The following SLC16A2 variants were observed in gnomAD, a reference collection of about 807,000 sequenced individuals.
The protein encoded by SLC16A2 is solute carrier family 16 member 2.
Under a neutral mutation model 27.2 loss-of-function variants are expected in SLC16A2, and 3 were observed. That is an observed-to-expected ratio of 0.11 (90% confidence interval 0.05 to 0.28). The LOEUF is 0.28. Among genes scored for constraint, SLC16A2 ranks in the 10% least tolerant of loss-of-function variants. The pLI is 1.00. For missense variants in SLC16A2, 295 were observed against 458.5 expected, an observed-to-expected ratio of 0.64 and a Z score of 3.26; for synonymous variants, 202 against 187.8, an observed-to-expected ratio of 1.08 and a Z score of -0.62.
At chrX:74,491,774 C>T in intron 1 of SLC16A2, among the ~76,000 whole-genome samples, 1 of 112,508 alleles carries the variant, frequency 8.9e-6, no homozygotes, top group East Asian at 2.8e-4. Flanking sequence ...AATAAATGTT[C>T]CTTCATTTGC....
intron 2 of SLC16A2, among the ~76,000 whole-genome samples, chrX:74,523,482 T>C (rs1052130224): frequency 9.8e-5 from 11 of 112,195 alleles, no homozygotes; most frequent in Non-Finnish European, 1.9e-4. Context: ...GCCAATATTA[T>C]CTGGGGGCAT....
rs1286289389 is a variant in SLC16A2 at position 74,421,907 on chromosome X, C to A, written c.270C>A (p.Arg90=). 6 of 1,209,538 alleles carry A rather than the reference C, an allele frequency of 5.0e-6. No individual in the cohort carries two copies. In the South Asian group the frequency reaches 5.3e-5, roughly 11 times the overall value. Residue 90 remains arginine, a synonymous_variant, in exon 1 of 6, where the codon CGC becomes CGA. Transcript: ENST00000587091. ...TPTVETRGTA[R]GFQPPEGGFG... ...CGGTAGAGACCCGCGGCACCGCGCG[C>A]GGCTTCCAGCCTCCCGAAGGTGGCT...
intron 1 of SLC16A2, among the ~76,000 whole-genome samples, chrX:74,457,716 C>T (rs1440923627): frequency 3.6e-5 from 4 of 111,054 alleles, no homozygotes; most frequent in East Asian, 2.8e-4. Flanking sequence ...TGGCTCCTTC[C>T]GAGGGGCTTG....
At chrX:74,504,262 G>A (rs1286417990) in intron 1 of SLC16A2, among the ~76,000 whole-genome samples, 3 of 111,854 alleles carry the variant, frequency 2.7e-5, no homozygotes, top group Admixed American at 9.5e-5. Context: ...TGAGTCCATC[G>A]ACTCTGGCTT....
chrX:74,486,659 T>C (rs1316921074), intron 1 of SLC16A2, among the ~76,000 whole-genome samples: 1 of 112,241 alleles, frequency 8.9e-6, no homozygotes, highest in Non-Finnish European at 1.9e-5. Context: ...AGTTCAACCA[T>C]TGTGGAAGAC....
intron 1 of SLC16A2, among the ~76,000 whole-genome samples, chrX:74,519,503 G>T (rs778671126): frequency 1.9e-5 from 2 of 102,611 alleles, no homozygotes; most frequent in African/African-American, 7.0e-5. Context: ...CACAAGGTCA[G>T]GAGATCGAGA....
intron 1 of SLC16A2, among the ~76,000 whole-genome samples, chrX:74,437,372 G>A (rs976668890): frequency 8.9e-6 from 1 of 112,219 alleles, no homozygotes; most frequent in Non-Finnish European, 1.9e-5. Flanking sequence ...TCCACATGAC[G>A]AGGAGATCAA....
intron 1 of SLC16A2, among the ~76,000 whole-genome samples, chrX:74,485,076 C>T (rs1055932810): frequency 7.3e-5 from 8 of 109,975 alleles, no homozygotes; most frequent in Non-Finnish European, 1.3e-4. Flanking sequence ...ACTATCCGGG[C>T]GTGGGGGCTC....
At chrX:74,499,284 A>G (rs2147862530) in intron 1 of SLC16A2, among the ~76,000 whole-genome samples, 1 of 110,076 alleles carries the variant, frequency 9.1e-6, no homozygotes, top group East Asian at 2.9e-4. Context: ...GATGTCTCTT[A>G]TCAGTTGCAC....
At chrX:74,457,500 A>G (rs2147847760) in intron 1 of SLC16A2, among the ~76,000 whole-genome samples, 1 of 111,573 alleles carries the variant, frequency 9.0e-6, no homozygotes, top group East Asian at 2.8e-4. Context: ...AGGGTCACCA[A>G]TGCTGTCCTT....
At chrX:74,439,168 CTTTCTTTCTTTCTTTCTT>C (rs1928680171) in intron 1 of SLC16A2, among the ~76,000 whole-genome samples, 1 of 77,725 alleles carries the variant, frequency 1.3e-5, no homozygotes, top group African/African-American at 5.2e-5. Context: ...CTCTTTCTTT[CTTTCTTTCTTTCTTTCTT>C]TTTCTTTCTT....
intron 1 of SLC16A2, among the ~76,000 whole-genome samples, chrX:74,432,377 A>G (rs1315631699): frequency 8.9e-6 from 1 of 111,830 alleles, no homozygotes. Context: ...CAGAGGCCAC[A>G]GGATTGTGGC....
At chrX:74,506,605 C>G (rs1930131189) in intron 1 of SLC16A2, among the ~76,000 whole-genome samples, 2 of 111,087 alleles carry the variant, frequency 1.8e-5, no homozygotes, top group African/African-American at 3.3e-5. Context: ...AGAGAGAGGT[C>G]AAAGTAAATG....
At position 74,524,417 on chromosome X, in the gene SLC16A2, G is replaced by A. The variant is rs376266144; in HGVS notation, c.634G>A (p.Ala212Thr). 166 of 1,209,737 alleles carry A rather than the reference G, an allele frequency of 1.4e-4. No individual in the cohort carries two copies. The highest frequency in any genetic ancestry group is 1.6e-4 in the Non-Finnish European group (145 of 895,196). The change falls in exon 3 of 6, where the codon GCC becomes ACC. Residue 212 changes from alanine to threonine, a missense_variant. Ala to Thr is a moderately conservative substitution (Grantham distance 58). This residue lies in a region of SLC16A2 where 59 missense variants were observed against 153.6 expected (regional missense o/e 0.38). Coordinates refer to ENST00000587091, the MANE Select transcript of SLC16A2 (RefSeq NM_006517.5). ...GILFGCGCSF[A>T]FQPSLVILGH... ...TCTCTTTGGTTGTGGCTGTTCCTTC[G>A]CCTTTCAGCCATCCCTCGTCATCCT...
chrX:74,462,040 C>T (rs1014864045), intron 1 of SLC16A2, among the ~76,000 whole-genome samples: 1 of 111,597 alleles, frequency 9.0e-6, no homozygotes, highest in African/African-American at 3.3e-5. Flanking sequence ...TGCCCCTTCC[C>T]GTGAACTCCC....
intron 2 of SLC16A2, 78 bp downstream of exon 2, chrX:74,521,212 C>T (rs1930400626): frequency 1.7e-5 from 19 of 1,116,049 alleles, no homozygotes; most frequent in Non-Finnish European, 2.2e-5. Flanking sequence ...GGTTACTTTT[C>T]TCACTGCAGA....
intron 1 of SLC16A2, among the ~76,000 whole-genome samples, chrX:74,479,878 T>G (rs4892512): frequency 0.31 from 34,176 of 110,903 alleles, 5,059 homozygotes; most frequent in East Asian, 0.86. Context: ...GCCGTGTGAG[T>G]TGTCAGTCTA....
intron 1 of SLC16A2, among the ~76,000 whole-genome samples, chrX:74,472,758 C>A (rs753834617): frequency 1.8e-5 from 2 of 108,823 alleles, no homozygotes; most frequent in Non-Finnish European, 3.8e-5. Context: ...AAAAAAACAA[C>A]CTACATTAAA....
At chrX:74,498,875 C>A (rs1330311045) in intron 1 of SLC16A2, among the ~76,000 whole-genome samples, 1 of 111,519 alleles carries the variant, frequency 9.0e-6, no homozygotes, top group Non-Finnish European at 1.9e-5. Context: ...TCCACTGACT[C>A]TTCATCCACC....
Sources: allele counts gnomAD v4.1 joint callset (sites outside exome capture counted in the v4.1 genomes callset), GRCh38; gene constraint gnomAD v4.1.1; regional missense constraint gnomAD v4.1.1; transcripts MANE v1.5; gene names NCBI Gene and HGNC (gene_info 2026-07-23, HGNC 2026-07-21).